Variants in TENM3 observed in about 807,000 individuals in gnomAD.
The protein encoded by TENM3 is teneurin-3.
A neutral mutation model predicts 255.1 loss-of-function variants in TENM3; 63 were observed. The ratio of observed to expected loss-of-function variants is 0.25; its 90% CI spans 0.20 to 0.30. The LOEUF (loss-of-function observed/expected upper bound fraction) is 0.30, where lower values mean the gene tolerates loss of function less well. Among genes scored for constraint, TENM3 ranks in the 10% least tolerant of loss-of-function variants. The probability of loss-of-function intolerance (pLI) is 1.00; values close to 1 mark genes in which losing one functional copy is unlikely to be tolerated. For synonymous variants in TENM3, 1,306 were observed against 1,322.3 expected, an observed-to-expected ratio of 0.99 and a Z score of 0.27; for missense variants, 2,929 against 3,461.1, an observed-to-expected ratio of 0.85 and a Z score of 3.86.
chr4:182,314,598 G>A (rs1316882029), intron 1 of TENM3, among the ~76,000 whole-genome samples: 1 of 152,124 alleles, frequency 6.6e-6, no homozygotes, highest in African/African-American at 2.4e-5. Flanking sequence ...TGTTTAATGT[G>A]ATTATTGATA....
At chr4:182,058,945 CGTGTGTGTGTGT>C in the TENM3 span, among the ~76,000 whole-genome samples, 15 of 139,136 alleles carry the variant, frequency 1.1e-4, 1 homozygote, top group South Asian at 3.4e-3. Context: ...AGTCATAGCT[CGTGTGTGTGTGT>C]GTGTGTGTGT....
the TENM3 span, among the ~76,000 whole-genome samples, chr4:181,801,535 T>A: frequency 6.6e-6 from 1 of 151,832 alleles, no homozygotes; most frequent in African/African-American, 2.4e-5. Flanking sequence ...TATACTTTTA[T>A]TAAAATTCAT....
chr4:181,970,435 A>G, the TENM3 span, among the ~76,000 whole-genome samples: 1 of 152,150 alleles, frequency 6.6e-6, no homozygotes, highest in African/African-American at 2.4e-5. Flanking sequence ...AACTATCAAG[A>G]TAAAAGAAAA....
the TENM3 span, among the ~76,000 whole-genome samples, chr4:181,460,371 T>C: frequency 1.3e-5 from 2 of 152,048 alleles, no homozygotes; most frequent in South Asian, 4.1e-4. Context: ...CATTCCATCT[T>C]TCACCATTAA....
chr4:182,214,568 G>A (rs1755318966), intron 1 of TENM3, among the ~76,000 whole-genome samples: 1 of 151,028 alleles, frequency 6.6e-6, no homozygotes, highest in Non-Finnish European at 1.5e-5. Flanking sequence ...GTCTTGCTGT[G>A]TTGCCCAGAC....
intron 2 of TENM3, among the ~76,000 whole-genome samples, chr4:182,340,239 C>T (rs1319362480): frequency 6.6e-6 from 1 of 152,140 alleles, no homozygotes; most frequent in African/African-American, 2.4e-5. Context: ...CACCTTAGTG[C>T]CCAGCCTGGA....
the TENM3 span, among the ~76,000 whole-genome samples, chr4:182,016,434 C>CCT: frequency 6.6e-6 from 1 of 152,152 alleles, no homozygotes; most frequent in African/African-American, 2.4e-5. Flanking sequence ...TTTGTTAAGG[C>CCT]AGGTTTTGCA....
intron 3 of TENM3, among the ~76,000 whole-genome samples, chr4:182,459,007 T>C (rs1049000330): frequency 6.6e-6 from 1 of 152,204 alleles, no homozygotes; most frequent in Non-Finnish European, 1.5e-5. Flanking sequence ...CCAAACTTTT[T>C]TGAAACTACT....
At chr4:181,467,775 A>G in the TENM3 span, among the ~76,000 whole-genome samples, 18 of 152,138 alleles carry the variant, frequency 1.2e-4, no homozygotes, top group Non-Finnish European at 2.5e-4. Context: ...TATTTAAAAG[A>G]TGTTGGTGAT....
At chr4:181,768,134 G>C in the TENM3 span, among the ~76,000 whole-genome samples, 2 of 152,150 alleles carry the variant, frequency 1.3e-5, no homozygotes, top group Non-Finnish European at 2.9e-5. Context: ...TTGGATAAAG[G>C]ACATGAAGTA....
At chr4:182,749,547 C>A (rs976713107) in intron 19 of TENM3, among the ~76,000 whole-genome samples, 3 of 152,008 alleles carry the variant, frequency 2.0e-5, no homozygotes, top group African/African-American at 7.2e-5. Context: ...TGCGCTAGGC[C>A]CTGTTCTAAG....
the TENM3 span, among the ~76,000 whole-genome samples, chr4:181,770,365 A>C: frequency 2.6e-5 from 4 of 152,276 alleles, no homozygotes; most frequent in African/African-American, 9.6e-5. Flanking sequence ...GCCAGTGCTA[A>C]CCTCACTGTC....
chr4:181,979,294 A>G, the TENM3 span, among the ~76,000 whole-genome samples: 19 of 151,282 alleles, frequency 1.3e-4, no homozygotes, highest in East Asian at 3.7e-3. Context: ...TCTGGTGGCC[A>G]AATAGTATCT....
the TENM3 span, among the ~76,000 whole-genome samples, chr4:181,710,608 G>C: frequency 6.6e-6 from 1 of 152,070 alleles, no homozygotes; most frequent in African/African-American, 2.4e-5. Context: ...CCAGCTACTC[G>C]GGAGGCCAGA....
chr4:182,257,835 C>G (rs981461710), intron 1 of TENM3, among the ~76,000 whole-genome samples: 2 of 152,284 alleles, frequency 1.3e-5, no homozygotes, highest in Admixed American at 1.3e-4. Context: ...ATTCAAACCT[C>G]TTCATCTGGT....
the TENM3 span, among the ~76,000 whole-genome samples, chr4:181,464,439 T>A: frequency 6.6e-6 from 1 of 152,230 alleles, no homozygotes; most frequent in South Asian, 2.1e-4. Context: ...TGATCATGTG[T>A]ATATCTTCTT....
At chr4:182,607,820 C>A (rs1423388271) in intron 4 of TENM3, among the ~76,000 whole-genome samples, 1 of 152,146 alleles carries the variant, frequency 6.6e-6, no homozygotes, top group Non-Finnish European at 1.5e-5. Context: ...CTTTGGATAA[C>A]CGTAATCTAT....
Position 182,334,778 on chromosome 4 carries a change from A to G in TENM3, c.232+10526A>G, listed in dbSNP as rs138201978. Among the ~76,000 whole-genome samples, 1,433 of 152,312 alleles carry G rather than the reference A, an allele frequency of 9.4e-3. 24 individuals are homozygous for G. The highest frequency in any genetic ancestry group is 0.032 in the African/African-American group (1,339 of 41,564). On this transcript the variant is annotated intron_variant, in intron 2 of 27. Coordinates refer to ENST00000511685, the MANE Select transcript of TENM3 (RefSeq NM_001080477.4). ...TAAAATTGGACCCATATCTCTCAGC[A>G]TATTCAAAAATAAATTAAGATGGAT...
chr4:181,543,233 C>A, the TENM3 span, among the ~76,000 whole-genome samples: 2 of 152,098 alleles, frequency 1.3e-5, no homozygotes, highest in African/African-American at 2.4e-5. Context: ...CAAAGCCGGG[C>A]CTTCGTCCAG....
Sources: gnomAD v4.1 joint callset for allele counts (sites outside exome capture counted in the v4.1 genomes callset) on GRCh38, gnomAD v4.1.1 for gene constraint, MANE v1.5 for transcripts, NCBI Gene and HGNC (gene_info 2026-07-23, HGNC 2026-07-21) for gene names.